SPATA16: variants seen among roughly 807,000 people sequenced by gnomAD.
SPATA16 encodes the protein spermatogenesis associated 16.
In SPATA16, 36 loss-of-function variants were observed where a neutral mutation model predicts 63.3. The ratio of observed to expected loss-of-function variants is 0.57; its 90% CI spans 0.44 to 0.75. SPATA16 has a LOEUF of 0.75. SPATA16 is among the 30% of genes least tolerant of loss of function. The probability of loss-of-function intolerance (pLI) is 0.00; values close to 1 mark genes in which losing one functional copy is unlikely to be tolerated. For missense variants in SPATA16, 646 were observed against 679.3 expected, an observed-to-expected ratio of 0.95 and a Z score of 0.54; for synonymous variants, 203 against 216.7, an observed-to-expected ratio of 0.94 and a Z score of 0.56.
At chr3:172,951,149 T>A (rs111733317) in intron 6 of SPATA16, among the ~76,000 whole-genome samples, 144 of 152,302 alleles carry the variant, frequency 9.5e-4, no homozygotes, top group African/African-American at 3.4e-3. Flanking sequence ...TGAATCAAGC[T>A]AGGTTTTTTT....
intron 8 of SPATA16, among the ~76,000 whole-genome samples, chr3:172,918,120 A>G (rs1279664504): frequency 6.6e-6 from 1 of 152,244 alleles, no homozygotes; most frequent in Non-Finnish European, 1.5e-5. Flanking sequence ...TGAAAAACCT[A>G]GCCTACCCAT....
rs1330766372 is a variant in SPATA16, at chr3:172,946,124, C to T, written c.1081+10553G>A. Among the ~76,000 whole-genome samples, 3 of 152,284 alleles carry T rather than the reference C, an allele frequency of 2.0e-5. No homozygotes were observed. The East Asian group carries it at 5.8e-4, about 29-fold the overall frequency. ...ACCTGAGCTGGAAGGGAACCTGCTG[C>T]CTTGAAGGGAAGAGCCCAGTCCTAG... On this transcript the variant is annotated intron_variant, in intron 6 of 10. Coordinates refer to ENST00000351008, the MANE Select transcript of SPATA16 (RefSeq NM_031955.6).
At chr3:173,136,209 T>C (rs1738541257) in intron 1 of SPATA16, among the ~76,000 whole-genome samples, 1 of 152,176 alleles carries the variant, frequency 6.6e-6, no homozygotes, top group African/African-American at 2.4e-5. Flanking sequence ...GTGTGGTAGA[T>C]AGACTGAAAG....
chr3:173,123,690 G>A (rs974070056), intron 1 of SPATA16, among the ~76,000 whole-genome samples: 15 of 146,434 alleles, frequency 1.0e-4, no homozygotes, highest in South Asian at 2.2e-4. Flanking sequence ...TGCAAACTCC[G>A]CCTCCCAGGT....
chr3:172,977,341 T>C (rs922315076), intron 4 of SPATA16, among the ~76,000 whole-genome samples: 7 of 152,122 alleles, frequency 4.6e-5, no homozygotes, highest in Non-Finnish European at 1.0e-4. Flanking sequence ...TGAGAGAATG[T>C]TTTGTTTTGG....
chr3:172,972,559 G>A (rs903040252), intron 5 of SPATA16, among the ~76,000 whole-genome samples: 10 of 152,132 alleles, frequency 6.6e-5, no homozygotes, highest in Non-Finnish European at 7.4e-5. Flanking sequence ...ATAATTTGAT[G>A]GTGAGAAATT....
At chr3:173,041,936 T>A (rs1735849396) in intron 3 of SPATA16, among the ~76,000 whole-genome samples, 1 of 152,134 alleles carries the variant, frequency 6.6e-6, no homozygotes, top group Non-Finnish European at 1.5e-5. Flanking sequence ...ACATGTACCC[T>A]AAAACTTAAA....
At chr3:173,033,622 G>T (rs1303916345) in intron 3 of SPATA16, among the ~76,000 whole-genome samples, 2 of 152,142 alleles carry the variant, frequency 1.3e-5, no homozygotes, top group East Asian at 3.9e-4. Flanking sequence ...TGGAGGATTG[G>T]TGATGGTGGT....
At chr3:173,018,060 G>A (rs894210068) in intron 4 of SPATA16, among the ~76,000 whole-genome samples, 1 of 151,994 alleles carries the variant, frequency 6.6e-6, no homozygotes, top group Non-Finnish European at 1.5e-5. Flanking sequence ...AGTAGAGGGG[G>A]AAATATGCAA....
intron 10 of SPATA16, among the ~76,000 whole-genome samples, chr3:172,901,122 T>C (rs1431441574): frequency 6.6e-6 from 1 of 152,244 alleles, no homozygotes; most frequent in African/African-American, 2.4e-5. Flanking sequence ...TGTTATTTGT[T>C]GTGACTGTGT....
intron 3 of SPATA16, among the ~76,000 whole-genome samples, chr3:173,027,625 C>A (rs1180654675): frequency 6.6e-6 from 1 of 151,704 alleles, no homozygotes; most frequent in Non-Finnish European, 1.5e-5. Context: ...AGCAGCCAAC[C>A]CCTGCATTGA....
rs1055690228 is a variant in SPATA16 at position 172,911,597 on chromosome 3, A to G, written c.1587+2064T>C. ...ATATCTGGCATGGTTTCTTTCTCCCAACTGAATTCTAAAGGCATTTATATT... is the reference window on the plus strand; with the variant it reads ...ATATCTGGCATGGTTTCTTTCTCCCGACTGAATTCTAAAGGCATTTATATT... On this transcript the variant is annotated intron_variant, in intron 10 of 10. Transcript: ENST00000351008. Among the ~76,000 whole-genome samples the G allele has an allele frequency of 3.3e-5, 5 of 152,288 alleles. No homozygotes were observed. In the South Asian group the frequency reaches 8.3e-4, roughly 25 times the overall value.
chr3:173,101,195 C>T (rs914032213), intron 2 of SPATA16, among the ~76,000 whole-genome samples: 3 of 152,082 alleles, frequency 2.0e-5, no homozygotes, highest in Non-Finnish European at 4.4e-5. Context: ...TGGCCTAGAT[C>T]ATTGACCAAT....
chr3:172,957,770 AC>A (rs1405368343), intron 5 of SPATA16, among the ~76,000 whole-genome samples: 1 of 152,232 alleles, frequency 6.6e-6, no homozygotes, highest in East Asian at 1.9e-4. Context: ...TTAACAAACA[AC>A]AATTTACATT....
intron 4 of SPATA16, among the ~76,000 whole-genome samples, chr3:173,003,445 T>C (rs942280307): frequency 1.3e-5 from 2 of 152,216 alleles, no homozygotes; most frequent in Admixed American, 6.5e-5. Flanking sequence ...ATTTGGGTCT[T>C]GACATAAAAT....
At chr3:173,030,987 A>G (rs951244217) in intron 3 of SPATA16, among the ~76,000 whole-genome samples, 1 of 152,006 alleles carries the variant, frequency 6.6e-6, no homozygotes, top group South Asian at 2.1e-4. Flanking sequence ...AAAGAGAGAA[A>G]TACTGTATGT....
intron 2 of SPATA16, among the ~76,000 whole-genome samples, chr3:173,097,404 G>A (rs1428483030): frequency 6.6e-6 from 1 of 152,158 alleles, no homozygotes; most frequent in Non-Finnish European, 1.5e-5. Flanking sequence ...CATATACTGA[G>A]GTTGCTGAGA....
intron 1 of SPATA16, among the ~76,000 whole-genome samples, chr3:173,129,612 A>G (rs11915775): frequency 0.22 from 33,983 of 151,444 alleles, 4,573 homozygotes; most frequent in African/African-American, 0.38. Flanking sequence ...TACATAAAAC[A>G]TACTAATAAT....
At chr3:173,056,555 T>C (rs549141685) in intron 2 of SPATA16, among the ~76,000 whole-genome samples, 65 of 151,872 alleles carry the variant, frequency 4.3e-4, no homozygotes, top group East Asian at 2.9e-3. Flanking sequence ...ATACCAAAAA[T>C]TAGCTGGAAG....
Sources: gnomAD v4.1 joint callset for allele counts (sites outside exome capture counted in the v4.1 genomes callset) on GRCh38, gnomAD v4.1.1 for gene constraint, MANE v1.5 for transcripts, NCBI Gene and HGNC (gene_info 2026-07-23, HGNC 2026-07-21) for gene names.